PTPRO: variants seen among roughly 807,000 people sequenced by gnomAD.
The protein encoded by PTPRO is receptor-type tyrosine-protein phosphatase O.
PTPRO carries 62 observed loss-of-function variants against 145.2 expected under a neutral mutation model. That is an observed-to-expected ratio of 0.43 (90% confidence interval 0.35 to 0.53). The LOEUF (loss-of-function observed/expected upper bound fraction) is 0.53, where lower values mean the gene tolerates loss of function less well. PTPRO is among the 20% of genes least tolerant of loss of function. The pLI is 0.01. For synonymous variants in PTPRO, 565 were observed against 514.7 expected (o/e 1.10, Z -1.32); for missense variants, 1,345 against 1,482.7 (o/e 0.91, Z 1.53).
chr12:15,523,940 G>T (rs1050515463), intron 10 of PTPRO, among the ~76,000 whole-genome samples: 12 of 151,862 alleles, frequency 7.9e-5, no homozygotes, highest in Admixed American at 5.2e-4. Context: ...TGGGACAACA[G>T]GGTGTGCCAC....
At chr12:15,427,592 CATT>C (rs1316358159) in intron 1 of PTPRO, among the ~76,000 whole-genome samples, 4 of 151,542 alleles carry the variant, frequency 2.6e-5, no homozygotes, top group Admixed American at 1.3e-4. Context: ...TATATTGTCT[CATT>C]ATGGATATGT....
At chr12:15,447,111 G>A (rs1407619050) in intron 1 of PTPRO, among the ~76,000 whole-genome samples, 1 of 152,220 alleles carries the variant, frequency 6.6e-6, no homozygotes, top group South Asian at 2.1e-4. Context: ...TGCCTGGAAA[G>A]AATAAGGTTT....
At chr12:15,538,162 C>G (rs2135534266) in intron 12 of PTPRO, among the ~76,000 whole-genome samples, 1 of 152,160 alleles carries the variant, frequency 6.6e-6, no homozygotes, top group South Asian at 2.1e-4. Flanking sequence ...CTCAATATAC[C>G]CCTCCTCACT....
At chr12:15,471,563 C>T (rs1004948893) in intron 1 of PTPRO, among the ~76,000 whole-genome samples, 1 of 152,182 alleles carries the variant, frequency 6.6e-6, no homozygotes, top group African/African-American at 2.4e-5. Flanking sequence ...GTTTCTGGCA[C>T]AGAGTAAGTA....
intron 1 of PTPRO, among the ~76,000 whole-genome samples, chr12:15,425,259 A>G (rs1940253193): frequency 6.6e-6 from 1 of 152,188 alleles, no homozygotes; most frequent in African/African-American, 2.4e-5. Flanking sequence ...ATTATGTACC[A>G]AGTTTTATTC....
intron 1 of PTPRO, among the ~76,000 whole-genome samples, chr12:15,405,625 C>CA (rs1939626752): frequency 6.6e-6 from 1 of 152,110 alleles, no homozygotes; most frequent in African/African-American, 2.4e-5. Flanking sequence ...ACTCTTTGCA[C>CA]AAAAAATTTT....
intron 1 of PTPRO, among the ~76,000 whole-genome samples, chr12:15,356,905 T>G (rs973127051): frequency 5.3e-5 from 8 of 152,146 alleles, no homozygotes; most frequent in African/African-American, 1.7e-4. Context: ...TGGTATTGGC[T>G]AGGGAGGCTT....
At chr12:15,525,416 CAA>C (rs1399974699) in intron 11 of PTPRO, among the ~76,000 whole-genome samples, 1 of 152,148 alleles carries the variant, frequency 6.6e-6, no homozygotes, top group Admixed American at 6.5e-5. Context: ...GAGAGTGGCT[CAA>C]ACAAAATAGA....
intron 1 of PTPRO, among the ~76,000 whole-genome samples, chr12:15,380,568 C>A (rs1488571788): frequency 6.6e-6 from 1 of 152,034 alleles, no homozygotes; most frequent in African/African-American, 2.4e-5. Flanking sequence ...AAATTAAAAC[C>A]AGGCTACATT....
In PTPRO at chr12:15,364,210, G is replaced by C. The variant is rs77159833; in HGVS notation, c.75+41409G>C. 7.2e-3 allele frequency among the ~76,000 whole-genome samples: 1,096 copies of C among 152,248 alleles called. 10 individuals carry two copies. The highest frequency in any genetic ancestry group is 0.024 in the African/African-American group (1,012 of 41,544). ...ATGTACGAGACATTTTGAGGCTTCAGTTCAAAGCATAAAGAGTGAAACATG... is the reference window on the plus strand; with the variant it reads ...ATGTACGAGACATTTTGAGGCTTCACTTCAAAGCATAAAGAGTGAAACATG... On this transcript the variant is annotated intron_variant, in intron 1 of 26. Coordinates refer to ENST00000281171, the MANE Select transcript of PTPRO (RefSeq NM_030667.3).
At chr12:15,578,745 C>T in intron 19 of PTPRO, 108 bp from the exon 20 acceptor site, 1 of 831,062 alleles carries the variant, frequency 1.2e-6, no homozygotes, top group Non-Finnish European at 2.1e-6. Flanking sequence ...CTAAAGGGAG[C>T]TACTGCAATG....
At chr12:15,515,158 C>T (rs1942550189) in intron 7 of PTPRO, among the ~76,000 whole-genome samples, 1 of 152,150 alleles carries the variant, frequency 6.6e-6, no homozygotes, top group African/African-American at 2.4e-5. Flanking sequence ...AATCAGCTGA[C>T]ACCACAATTT....
chr12:15,366,970 G>A (rs549740059), intron 1 of PTPRO, among the ~76,000 whole-genome samples: 1 of 152,206 alleles, frequency 6.6e-6, no homozygotes, highest in East Asian at 1.9e-4. Flanking sequence ...TCACTCATTA[G>A]TAACAAAATT....
chr12:15,526,092 A>G, intron 11 of PTPRO, 50 bp from the exon 12 acceptor site: 1 of 1,612,314 alleles, frequency 6.2e-7, no homozygotes, highest in East Asian at 2.2e-5. Context: ...GGGGTGGTGC[A>G]CTGATTCATT....
At chr12:15,505,454 C>T (rs11056529) in intron 6 of PTPRO, among the ~76,000 whole-genome samples, 5,600 of 152,228 alleles carry the variant, frequency 0.037, 156 homozygotes, top group East Asian at 0.14. Flanking sequence ...GTATCTAAAG[C>T]GACTAGTGCC....
intron 1 of PTPRO, chr12:15,440,404 G>A: frequency 3.5e-6 from 1 of 288,170 alleles, no homozygotes; most frequent in Non-Finnish European, 6.5e-6. Flanking sequence ...CTACAACATA[G>A]GATTTTTATA....
At chr12:15,516,385 A>AAG (rs1046685171) in intron 8 of PTPRO, among the ~76,000 whole-genome samples, 9 of 149,130 alleles carry the variant, frequency 6.0e-5, no homozygotes, top group Admixed American at 6.7e-5. Context: ...GAACGAACGA[A>AAG]AGAGAGAGAG....
At chr12:15,428,177 C>A (rs117064692) in intron 1 of PTPRO, among the ~76,000 whole-genome samples, 4 of 152,222 alleles carry the variant, frequency 2.6e-5, no homozygotes, top group Non-Finnish European at 5.9e-5. Context: ...CTTTTAAGTG[C>A]TTTGGCAAAG....
chr12:15,416,916 G>A (rs186609212), intron 1 of PTPRO, among the ~76,000 whole-genome samples: 2 of 151,670 alleles, frequency 1.3e-5, no homozygotes, highest in African/African-American at 4.9e-5. Context: ...ACTGTATGGG[G>A]AGAAGTGGAA....
Sources: gnomAD v4.1 joint callset for allele counts (sites outside exome capture counted in the v4.1 genomes callset) on GRCh38, gnomAD v4.1.1 for gene constraint, MANE v1.5 for transcripts, NCBI Gene and HGNC (gene_info 2026-07-23, HGNC 2026-07-21) for gene names.